ENTREP2: variants seen among roughly 807,000 people sequenced by gnomAD.
ENTREP2 encodes protein ENTREP2.
At chr15:29,136,961 T>C in the ENTREP2 span, 4 of 1,275,182 alleles carry the variant, frequency 3.1e-6, no homozygotes, top group Non-Finnish European at 4.1e-6. Flanking sequence ...GCAGGACCAC[T>C]GCAACTCCCA....
At chr15:29,339,302 G>C in the ENTREP2 span, among the ~76,000 whole-genome samples, 5 of 152,242 alleles carry the variant, frequency 3.3e-5, no homozygotes, top group African/African-American at 1.2e-4. Context: ...AGGGAGAAGG[G>C]GGTCAAATAA....
At chr15:29,631,211 G>T in the ENTREP2 span, among the ~76,000 whole-genome samples, 1 of 152,092 alleles carries the variant, frequency 6.6e-6, no homozygotes, top group South Asian at 2.1e-4. Context: ...TGTGATGGCG[G>T]CTTTGAAATC....
the ENTREP2 span, chr15:29,196,470 G>A: frequency 2.3e-5 from 35 of 1,551,586 alleles, no homozygotes; most frequent in African/African-American, 4.1e-5. Flanking sequence ...CTCCTGCAGC[G>A]GGTTCAGCTT....
At chr15:29,134,751 A>G in the ENTREP2 span, among the ~76,000 whole-genome samples, 2 of 152,286 alleles carry the variant, frequency 1.3e-5, no homozygotes, top group South Asian at 2.1e-4. Context: ...GAAGCTCCTC[A>G]GGGTCAGCGC....
chr15:29,126,248 G>A, the ENTREP2 span: 4 of 1,451,296 alleles, frequency 2.8e-6, no homozygotes, highest in East Asian at 1.0e-4. Context: ...GGGGACATGG[G>A]TGAGCCTGGC....
chr15:29,652,647 C>G, the ENTREP2 span, among the ~76,000 whole-genome samples: 2 of 152,248 alleles, frequency 1.3e-5, no homozygotes, highest in East Asian at 1.9e-4. Flanking sequence ...TGCATTCCCC[C>G]CAGGGCCAGC....
chr15:29,656,871 T>C, the ENTREP2 span, among the ~76,000 whole-genome samples: 1 of 152,152 alleles, frequency 6.6e-6, no homozygotes, highest in Non-Finnish European at 1.5e-5. Flanking sequence ...AACTGAAAAC[T>C]CATCTTCACA....
At chr15:29,638,179 GC>G in the ENTREP2 span, among the ~76,000 whole-genome samples, 2 of 152,212 alleles carry the variant, frequency 1.3e-5, no homozygotes, top group Non-Finnish European at 2.9e-5. Flanking sequence ...GCGAGGCTCT[GC>G]CAGCAAAAAA....
At chr15:29,388,470 G>A in the ENTREP2 span, among the ~76,000 whole-genome samples, 3 of 152,192 alleles carry the variant, frequency 2.0e-5, no homozygotes, top group Non-Finnish European at 4.4e-5. Context: ...GGAAACAACA[G>A]GTGCCGGAGA....
chr15:29,145,641 A>T, the ENTREP2 span, among the ~76,000 whole-genome samples: 1 of 151,110 alleles, frequency 6.6e-6, no homozygotes, highest in Non-Finnish European at 1.5e-5. Context: ...AAAAAAAAAA[A>T]AAAACAACCA....
chr15:29,300,466 C>A, the ENTREP2 span, among the ~76,000 whole-genome samples: 2 of 152,072 alleles, frequency 1.3e-5, no homozygotes, highest in African/African-American at 4.8e-5. Context: ...TGAGGCATGG[C>A]ATCACCAATG....
the ENTREP2 span, chr15:29,265,983 A>G: frequency 6.6e-6 from 1 of 152,370 alleles, no homozygotes; most frequent in Middle Eastern, 3.4e-3. Flanking sequence ...TAGCTCTTAT[A>G]AACACTAATG....
At chr15:29,608,056 G>T in the ENTREP2 span, among the ~76,000 whole-genome samples, 1 of 152,080 alleles carries the variant, frequency 6.6e-6, no homozygotes, top group East Asian at 1.9e-4. Context: ...GGCCAGTCTT[G>T]CCTTTTCACG....
chr15:29,568,127 T>C, the ENTREP2 span, among the ~76,000 whole-genome samples: 1 of 152,234 alleles, frequency 6.6e-6, no homozygotes, highest in Non-Finnish European at 1.5e-5. Context: ...CTGCAAAGTG[T>C]TGTAGACAAC....
At chr15:29,405,088 C>T in the ENTREP2 span, among the ~76,000 whole-genome samples, 1 of 152,168 alleles carries the variant, frequency 6.6e-6, no homozygotes, top group Non-Finnish European at 1.5e-5. Flanking sequence ...GCAGAATCAT[C>T]TTTTTAAAAT....
At chr15:29,394,883 T>A in the ENTREP2 span, among the ~76,000 whole-genome samples, 484 of 70,482 alleles carry the variant, frequency 6.9e-3, 3 homozygotes, top group African/African-American at 0.044. Flanking sequence ...TCAGAATCTC[T>A]TTTTTTTTTT....
At chr15:29,127,691 C>T in the ENTREP2 span, among the ~76,000 whole-genome samples, 1 of 152,166 alleles carries the variant, frequency 6.6e-6, no homozygotes, top group Non-Finnish European at 1.5e-5. Flanking sequence ...AGTTCACCGC[C>T]CAGGTCCCAG....
At chr15:29,284,755 T>C in the ENTREP2 span, among the ~76,000 whole-genome samples, 1 of 152,172 alleles carries the variant, frequency 6.6e-6, no homozygotes, top group South Asian at 2.1e-4. Context: ...CTCTGCATAC[T>C]CTCTGTGAAT....
At chr15:29,196,578 CACAG>C in the ENTREP2 span, 1 of 1,545,670 alleles carries the variant, frequency 6.5e-7, no homozygotes, top group Non-Finnish European at 8.8e-7. Flanking sequence ...GACAGAGGAA[CACAG>C]ACAGACCTCA....
Sources: allele counts gnomAD v4.1 joint callset (sites outside exome capture counted in the v4.1 genomes callset), GRCh38; gene constraint gnomAD v4.1.1; transcripts MANE v1.5; gene names NCBI Gene and HGNC (gene_info 2026-07-23, HGNC 2026-07-21).